SLC13A3: variants seen among roughly 807,000 people sequenced by gnomAD.
SLC13A3 encodes solute carrier family 13 member 3, also known as Na(+)/dicarboxylate cotransporter 3.
Under a neutral mutation model 59.0 loss-of-function variants are expected in SLC13A3, and 40 were observed. That is an observed-to-expected ratio of 0.68 (90% CI 0.53 to 0.88). SLC13A3 has a LOEUF of 0.88. SLC13A3 is among the 40% of genes least tolerant of loss of function. SLC13A3 has a pLI of 0.00. For missense variants in SLC13A3, 699 were observed against 783.2 expected (o/e 0.89, Z 1.28); for synonymous variants, 317 against 330.3 (o/e 0.96, Z 0.44).
intron 5 of SLC13A3, among the ~76,000 whole-genome samples, chr20:46,595,106 G>T (rs1193117798): frequency 1.3e-5 from 2 of 152,216 alleles, no homozygotes; most frequent in East Asian, 3.9e-4. Context: ...TCCTTTGTTG[G>T]CCAAATGCTT....
Position 46,613,579 on chromosome 20 carries a change from G to T in SLC13A3, c.258C>A (p.Phe86Leu). Residue 86 changes from phenylalanine to leucine, a missense_variant, in exon 2 of 13, where the codon TTC becomes TTA. Physicochemically the swap from Phe to Leu is conservative, Grantham distance 22 (BLOSUM62 0). Transcript: ENST00000279027. ...TGAGGAAGAGGAAGTTGGTGTCGAG[G>T]AAGTACTGGGGGCAGACCTTGTTGG... ...LPSNKVCPQYFLDTNFLFLSG... is the reference protein window; with the variant it reads ...LPSNKVCPQYLLDTNFLFLSG... 6.2e-7 allele frequency: 1 copy of T among 1,613,988 alleles called. No individual in the cohort carries two copies. The highest frequency in any genetic ancestry group is 1.1e-5 in the South Asian group (1 of 91,056).
intron 10 of SLC13A3, among the ~76,000 whole-genome samples, chr20:46,574,478 C>T (rs1222620953): frequency 1.3e-5 from 2 of 152,200 alleles, no homozygotes; most frequent in Non-Finnish European, 2.9e-5. Flanking sequence ...CACTTGCACG[C>T]CCCGGAGAGT....
chr20:46,580,382 C>G (rs1293773219), intron 9 of SLC13A3, among the ~76,000 whole-genome samples: 1 of 151,584 alleles, frequency 6.6e-6, no homozygotes, highest in Non-Finnish European at 1.5e-5. Flanking sequence ...ACACATATTC[C>G]TGTACCCAAT....
At chr20:46,592,963 T>A (rs910571391) in intron 5 of SLC13A3, among the ~76,000 whole-genome samples, 1 of 152,228 alleles carries the variant, frequency 6.6e-6, no homozygotes, top group African/African-American at 2.4e-5. Context: ...TGACAATTCA[T>A]GAAAATGTTT....
upstream of SLC13A3, among the ~76,000 whole-genome samples, chr20:46,672,479 C>G (rs111268144): frequency 0.024 from 3,686 of 152,278 alleles, 138 homozygotes; most frequent in African/African-American, 0.083. Flanking sequence ...ATGAGGCAGG[C>G]AGCATCCCTC....
intron 3 of SLC13A3, chr20:46,600,721 G>T: frequency 3.3e-6 from 1 of 303,602 alleles, no homozygotes; most frequent in Non-Finnish European, 7.6e-6. Flanking sequence ...ATGTGCTATT[G>T]ACTATGTTCT....
rs369892952 is a variant in SLC13A3 at position 46,575,700 on chromosome 20, G to A, written c.1220-15C>T. On this transcript the variant is annotated splice_polypyrimidine_tract_variant and intron_variant, in intron 9 of 12. Coordinates refer to ENST00000279027, the MANE Select transcript of SLC13A3 (RefSeq NM_022829.6). ...TGTGTTGGGAGCTGGGCAGAGAGAG[G>A]GATTCAGCACACACTCAGGGCCGCT... 2 of 1,531,938 alleles carry A rather than the reference G, an allele frequency of 1.3e-6. No homozygotes were observed. Among genetic ancestry groups the A allele is most frequent in the Non-Finnish European group, 1.8e-6 (2 of 1,122,520 alleles). The allele number at this position is 1,531,938 out of a possible 1,614,324, so 94.9% of individuals were successfully genotyped here.
intron 9 of SLC13A3, among the ~76,000 whole-genome samples, chr20:46,581,188 T>C (rs942334458): frequency 6.6e-6 from 1 of 152,056 alleles, no homozygotes; most frequent in Non-Finnish European, 1.5e-5. Context: ...AAGCCCCAAT[T>C]TGGGGGCTCG....
chr20:46,599,897 G>A (rs2062354876), intron 4 of SLC13A3, 74 bp downstream of exon 4: 6 of 1,184,756 alleles, frequency 5.1e-6, no homozygotes, highest in Non-Finnish European at 7.1e-6. Context: ...AAAATGGTTT[G>A]CAGCATTGAA....
chr20:46,660,058 T>C (rs1004571730), intron 1 of SLC13A3, among the ~76,000 whole-genome samples: 26 of 152,198 alleles, frequency 1.7e-4, no homozygotes, highest in African/African-American at 6.0e-4. Flanking sequence ...AACACCACTG[T>C]TTGAATTACA....
At chr20:46,579,419 C>T (rs1321266405) in intron 9 of SLC13A3, among the ~76,000 whole-genome samples, 1 of 152,200 alleles carries the variant, frequency 6.6e-6, no homozygotes, top group African/African-American at 2.4e-5. Flanking sequence ...GCCACCACAC[C>T]TGGCCCTGAC....
At chr20:46,675,735 C>A (rs1203970958) in intron 1 of SLC13A3, among the ~76,000 whole-genome samples, 2 of 151,918 alleles carry the variant, frequency 1.3e-5, no homozygotes, top group Non-Finnish European at 2.9e-5. Context: ...GCATGCACCA[C>A]CTTGCCTGGC....
chr20:46,578,129 A>G (rs2062097354), intron 9 of SLC13A3, among the ~76,000 whole-genome samples: 1 of 151,122 alleles, frequency 6.6e-6, no homozygotes, highest in African/African-American at 2.4e-5. Context: ...ACGGGGTTTC[A>G]CCGTGTTCTC....
intron 1 of SLC13A3, among the ~76,000 whole-genome samples, chr20:46,621,659 T>A (rs2062615490): frequency 6.6e-6 from 1 of 152,162 alleles, no homozygotes; most frequent in South Asian, 2.1e-4. Flanking sequence ...ACGGACAGAA[T>A]AACTGGCAGC....
chr20:46,664,201 T>C (rs1215972211), intron 1 of SLC13A3, among the ~76,000 whole-genome samples: 3 of 152,182 alleles, frequency 2.0e-5, no homozygotes, highest in Admixed American at 6.5e-5. Context: ...AAAGGGTAGC[T>C]TGGATTGAGA....
At chr20:46,656,200 C>T (rs1002932512), upstream of SLC13A3, among the ~76,000 whole-genome samples, 2 of 141,912 alleles carry the variant, frequency 1.4e-5, no homozygotes, top group Admixed American at 1.4e-4. Flanking sequence ...ATAGACTGCA[C>T]AGTATATATA....
chr20:46,606,195 G>A (rs3764692), intron 3 of SLC13A3, among the ~76,000 whole-genome samples: 41,952 of 152,010 alleles, frequency 0.28, 6,467 homozygotes, highest in South Asian at 0.41. Context: ...AATCAATCCC[G>A]CTCAAGTAGG....
chr20:46,601,864 T>G, intron 3 of SLC13A3, among the ~76,000 whole-genome samples: 1 of 149,770 alleles, frequency 6.7e-6, no homozygotes, highest in African/African-American at 2.5e-5. Context: ...AGGAGAAGAG[T>G]AAGAGGAGGC....
At chr20:46,645,482 G>A (rs569307177) in intron 1 of SLC13A3, among the ~76,000 whole-genome samples, 1 of 152,200 alleles carries the variant, frequency 6.6e-6, no homozygotes, top group Non-Finnish European at 1.5e-5. Flanking sequence ...AGGAGCTGGG[G>A]CTATCAGTCA....
Sources: gnomAD v4.1 joint callset for allele counts (sites outside exome capture counted in the v4.1 genomes callset) on GRCh38, gnomAD v4.1.1 for gene constraint, MANE v1.5 for transcripts, NCBI Gene and HGNC (gene_info 2026-07-23, HGNC 2026-07-21) for gene names.